Variants in IMPG2 observed in about 807,000 individuals in gnomAD.
The protein encoded by IMPG2 is interphotoreceptor matrix proteoglycan 2.
Under a neutral mutation model 129.2 loss-of-function variants are expected in IMPG2, and 91 were observed. The ratio of observed to expected loss-of-function variants is 0.70; its 90% CI spans 0.59 to 0.84. The LOEUF (loss-of-function observed/expected upper bound fraction) is 0.84. Among genes scored for constraint, IMPG2 ranks in the 40% least tolerant of loss-of-function variants. IMPG2 has a pLI of 0.00. For synonymous variants in IMPG2, 510 were observed against 517.7 expected (o/e 0.99, Z 0.20); for missense variants, 1,430 against 1,461.7 (o/e 0.98, Z 0.35).
chr3:101,257,513 T>C lies in IMPG2; in HGVS notation c.1153+16A>G, dbSNP rs1450224922. The C allele has an allele frequency of 1.2e-6, 2 of 1,612,980 alleles. No homozygotes were observed. The highest frequency in any genetic ancestry group is 4.5e-5 in the East Asian group (2 of 44,866). On this transcript the variant is annotated intron_variant, in intron 10 of 18. Coordinates refer to ENST00000193391, the MANE Select transcript of IMPG2 (RefSeq NM_016247.4). ...AAGAAACTATACAAGGACTTCATGA[T>C]GGATATCAAACTCACCATTGATAAG...
At chr3:101,242,550 A>G in intron 14 of IMPG2, 138 bp downstream of exon 14, 1 of 702,814 alleles carries the variant, frequency 1.4e-6, no homozygotes, top group Non-Finnish European at 2.6e-6. Context: ...ACTAGTTACC[A>G]AGATGTGGAA....
intron 2 of IMPG2, among the ~76,000 whole-genome samples, chr3:101,312,370 C>T (rs1707271326): frequency 6.6e-6 from 1 of 151,798 alleles, no homozygotes; most frequent in South Asian, 2.1e-4. Context: ...AAGTTCTGAA[C>T]AGACATTTTC....
intron 9 of IMPG2, among the ~76,000 whole-genome samples, chr3:101,258,238 G>A (rs1706633616): frequency 6.6e-6 from 1 of 151,988 alleles, no homozygotes; most frequent in African/African-American, 2.4e-5. Context: ...TATTGTGGTA[G>A]GAAAATTATG....
chr3:101,269,403 T>A lies in IMPG2; in HGVS notation c.887+112A>T, dbSNP rs541018630. 152 of 697,888 alleles carry A rather than the reference T, an allele frequency of 2.2e-4. 1 individual carries two copies. Among genetic ancestry groups the A allele is most frequent in the Middle Eastern group, 5.7e-4 (2 of 3,538 alleles). 43.2% of individuals were successfully genotyped at this position (697,888 alleles called of 1,614,324 possible). On this transcript the variant is annotated intron_variant, in intron 8 of 18. Transcript: ENST00000193391. The stretch of plus-strand genomic sequence containing the variant: ...CTAATTTACCAGAAATAGCATTGAG[T>A]TACAGCATTCAAACCATTTATTGTT...
chr3:101,235,854 A>G (rs901587693), intron 14 of IMPG2, among the ~76,000 whole-genome samples: 6 of 152,198 alleles, frequency 3.9e-5, no homozygotes, highest in Non-Finnish European at 8.8e-5. Flanking sequence ...AGAGTAGAGG[A>G]AAGATGTGTA....
At chr3:101,319,931 G>A (rs1576776676) in intron 1 of IMPG2, 99 bp from the exon 2 acceptor site, 1 of 1,287,786 alleles carries the variant, frequency 7.8e-7, no homozygotes, top group Non-Finnish European at 1.1e-6. Context: ...TTAAGATAGA[G>A]AAGCCAGTGC....
intron 14 of IMPG2, among the ~76,000 whole-genome samples, chr3:101,237,262 C>T (rs978306909): frequency 6.6e-6 from 1 of 152,180 alleles, no homozygotes; most frequent in African/African-American, 2.4e-5. Context: ...GACAGAGTAC[C>T]TGGGGGAAGG....
chr3:101,305,621 T>A (rs1467468154), intron 2 of IMPG2, among the ~76,000 whole-genome samples: 2 of 152,122 alleles, frequency 1.3e-5, no homozygotes, highest in African/African-American at 4.8e-5. Flanking sequence ...CTGCTCAATT[T>A]TTCTGTAAAC....
intron 10 of IMPG2, among the ~76,000 whole-genome samples, chr3:101,256,947 G>A (rs190966879): frequency 4.6e-4 from 70 of 152,144 alleles, no homozygotes; most frequent in African/African-American, 1.7e-3. Flanking sequence ...GCACCCTGTA[G>A]CCTCCAAATC....
Position 101,257,708 on chromosome 3 carries a change from A to C in IMPG2, c.974T>G (p.Leu325Arg). 6.2e-7 allele frequency: 1 copy of C among 1,613,410 alleles called. No homozygotes were observed. Among genetic ancestry groups the C allele is most frequent in the South Asian group, 1.1e-5 (1 of 91,068 alleles). ...CACCTTGTTGGAGTGAAGGCTAATG[A>C]GGTCCCAGGTGGTATTGCTGATGGC... ...GEAISNTTWDLISLHSNKVEN... is the reference protein window; with the variant it reads ...GEAISNTTWDRISLHSNKVEN... Residue 325 changes from leucine (L) to arginine (R), a missense_variant, in exon 10 of 19, where the codon CTC becomes CGC. By Grantham distance (102) the Leu-to-Arg change is moderately radical. Transcript: ENST00000193391.
In IMPG2 at chr3:101,225,427, T is replaced by A. The variant is rs539098; in HGVS notation, c.*1542A>T. Reference sequence around the variant, plus strand: ...CACACACATACACGCACACACACATTCACACATACACACACACAACCTGTT... The same window carrying A: ...CACACACATACACGCACACACACATACACACATACACACACACAACCTGTT... On this transcript the variant is annotated 3_prime_UTR_variant, in exon 19 of 19. Coordinates refer to ENST00000193391, the MANE Select transcript of IMPG2 (RefSeq NM_016247.4). 0.12 allele frequency: 947 copies of A among 8,190 alleles called. 8 individuals are homozygous for A. Among genetic ancestry groups the A allele is most frequent in the African/African-American group, 0.28 (840 of 3,042 alleles). The allele number at this position is 8,190 out of a possible 1,614,324, so 0.5% of individuals were successfully genotyped here.
chr3:101,227,362 T>C (rs1289755555), intron 18 of IMPG2, among the ~76,000 whole-genome samples: 1 of 152,224 alleles, frequency 6.6e-6, no homozygotes, highest in Non-Finnish European at 1.5e-5. Flanking sequence ...CAGGGTCTTC[T>C]AGTTCAAATC....
At chr3:101,246,904 A>T (rs1706485299) in intron 11 of IMPG2, among the ~76,000 whole-genome samples, 1 of 151,988 alleles carries the variant, frequency 6.6e-6, no homozygotes, top group South Asian at 2.1e-4. Context: ...AGCAGTCCAG[A>T]CTGGGCAATA....
At chr3:101,309,716 G>T (rs1324845667) in intron 2 of IMPG2, among the ~76,000 whole-genome samples, 2 of 152,094 alleles carry the variant, frequency 1.3e-5, no homozygotes, top group Non-Finnish European at 2.9e-5. Context: ...TTTCCTCCTA[G>T]GTATTCCTGT....
intron 11 of IMPG2, among the ~76,000 whole-genome samples, chr3:101,251,162 T>C (rs1000084903): frequency 2.0e-5 from 3 of 152,164 alleles, no homozygotes; most frequent in Non-Finnish European, 4.4e-5. Flanking sequence ...GCGCATAACC[T>C]GGCACACATT....
intron 3 of IMPG2, among the ~76,000 whole-genome samples, chr3:101,302,704 A>T (rs1203198431): frequency 6.6e-6 from 1 of 152,236 alleles, no homozygotes; most frequent in East Asian, 1.9e-4. Flanking sequence ...GTAGATACTG[A>T]ATAAATAGTA....
chr3:101,299,578 T>C (rs921907035), intron 3 of IMPG2, among the ~76,000 whole-genome samples: 1 of 151,858 alleles, frequency 6.6e-6, no homozygotes, highest in African/African-American at 2.4e-5. Context: ...TGAGTTTTTG[T>C]AGGGAATTTT....
chr3:101,281,443 C>T (rs1398498888), intron 4 of IMPG2, among the ~76,000 whole-genome samples: 1 of 152,164 alleles, frequency 6.6e-6, no homozygotes, highest in African/African-American at 2.4e-5. Context: ...GTCCTGAATA[C>T]AGGCAGAAAA....
chr3:101,256,205 G>GAAAGAA (rs1468551332), intron 10 of IMPG2, among the ~76,000 whole-genome samples: 1 of 146,034 alleles, frequency 6.8e-6, no homozygotes, highest in Non-Finnish European at 1.5e-5. Context: ...AAGAAAGAAA[G>GAAAGAA]AAAGAAAGAA....
Sources: gnomAD v4.1 joint callset for allele counts (sites outside exome capture counted in the v4.1 genomes callset) on GRCh38, gnomAD v4.1.1 for gene constraint, MANE v1.5 for transcripts, NCBI Gene and HGNC (gene_info 2026-07-23, HGNC 2026-07-21) for gene names.